Variants in TPO observed in about 807,000 individuals in gnomAD.
TPO encodes thyroid microsomal antigen.
In TPO, 78 loss-of-function variants were observed where a neutral mutation model predicts 96.9. That is an observed-to-expected ratio of 0.81 (90% confidence interval 0.67 to 0.97). The LOEUF (loss-of-function observed/expected upper bound fraction) is 0.97, where lower values mean the gene tolerates loss of function less well. Among genes scored for constraint, TPO ranks in the 50% least tolerant of loss-of-function variants. The pLI, the probability that TPO is intolerant of heterozygous loss-of-function variation, is 0.00. For missense variants in TPO, 1,252 were observed against 1,274.8 expected (o/e 0.98, Z 0.27); for synonymous variants, 547 against 538.0 (o/e 1.02, Z -0.23).
chr2:1,428,020 T>C (rs891515417), intron 3 of TPO, among the ~76,000 whole-genome samples: 3 of 152,148 alleles, frequency 2.0e-5, no homozygotes, highest in African/African-American at 4.8e-5. Flanking sequence ...ATCCAGAGAA[T>C]TCGTGGGAAC....
intron 14 of TPO, 76 bp from the exon 15 acceptor site, chr2:1,516,807 C>T: frequency 7.2e-7 from 1 of 1,396,204 alleles, no homozygotes; most frequent in South Asian, 1.2e-5. Context: ...AGGGTATGGC[C>T]CAGACTCAGG....
chr2:1,404,244 T>C (rs913360401), intron 1 of TPO, among the ~76,000 whole-genome samples: 3 of 152,174 alleles, frequency 2.0e-5, no homozygotes, highest in East Asian at 1.9e-4. Flanking sequence ...TTGCACGCTG[T>C]CTCAAGGGAG....
chr2:1,539,231 A>C (rs1322417467), intron 15 of TPO, among the ~76,000 whole-genome samples: 2 of 152,170 alleles, frequency 1.3e-5, no homozygotes, highest in Non-Finnish European at 2.9e-5. Flanking sequence ...CGAACACCTG[A>C]CCTTCACTGA....
chr2:1,394,200 G>A (rs10190521), intron 1 of TPO, among the ~76,000 whole-genome samples: 8,751 of 152,210 alleles, frequency 0.057, 665 homozygotes, highest in East Asian at 0.3. Context: ...CTGTGAATAC[G>A]GTGGAATATT....
intron 16 of TPO, 118 bp from the exon 17 acceptor site, chr2:1,542,303 C>T: frequency 2.2e-6 from 3 of 1,371,894 alleles, no homozygotes; most frequent in East Asian, 2.5e-5. Context: ...CTCATCTCGC[C>T]AGCGGTCCTT....
chr2:1,527,919 TGAGCAACCTCCTCAAATCCCCCCACTGC>T (rs1676998896), intron 15 of TPO, among the ~76,000 whole-genome samples: 3 of 86,968 alleles, frequency 3.4e-5, no homozygotes, highest in Admixed American at 1.7e-4. Flanking sequence ...CCCCCCAATG[TGAGCAACCTCCTCAAATCCCCCCACTGC>T]GTGCAACCTC....
At chr2:1,469,800 T>G (rs1669222468) in intron 7 of TPO, among the ~76,000 whole-genome samples, 1 of 152,210 alleles carries the variant, frequency 6.6e-6, no homozygotes, top group Non-Finnish European at 1.5e-5. Flanking sequence ...GTTTGGGCAC[T>G]CACAGTATTT....
intron 4 of TPO, 57 bp from the exon 5 acceptor site, chr2:1,436,195 T>C: frequency 6.2e-7 from 1 of 1,613,550 alleles, no homozygotes; most frequent in South Asian, 1.1e-5. Flanking sequence ...AATAGAATAT[T>C]TGTTAGGTGG....
At chr2:1,410,037 C>T (rs781618700), upstream of TPO, among the ~76,000 whole-genome samples, 41 of 151,918 alleles carry the variant, frequency 2.7e-4, no homozygotes, top group Non-Finnish European at 5.7e-4. Flanking sequence ...GTGAGGGTTT[C>T]AGTTGCAGGA....
intron 9 of TPO, among the ~76,000 whole-genome samples, chr2:1,486,112 C>T (rs1350690339): frequency 6.6e-6 from 1 of 152,198 alleles, no homozygotes; most frequent in East Asian, 1.9e-4. Flanking sequence ...TCAGGTCTCA[C>T]TTCTTTCTTA....
chr2:1,493,779 C>G, intron 10 of TPO, 23 bp from the exon 11 acceptor site: 1 of 1,613,276 alleles, frequency 6.2e-7, no homozygotes, highest in Non-Finnish European at 8.5e-7. Context: ...TGAGAGAAAC[C>G]CTGCAGCCTC....
intron 15 of TPO, among the ~76,000 whole-genome samples, chr2:1,540,131 C>A (rs540291370): frequency 8.5e-5 from 13 of 152,296 alleles, no homozygotes; most frequent in African/African-American, 3.1e-4. Context: ...TCTGGGACGG[C>A]GCTTCCTCCC....
At chr2:1,403,753 C>T (rs1042576623) in intron 1 of TPO, among the ~76,000 whole-genome samples, 5 of 152,178 alleles carry the variant, frequency 3.3e-5, no homozygotes, top group African/African-American at 4.8e-5. Flanking sequence ...CCGAGCACAC[C>T]GTGGGTTCAC....
At chr2:1,473,670 G>A (rs978214334) in intron 7 of TPO, among the ~76,000 whole-genome samples, 1 of 151,880 alleles carries the variant, frequency 6.6e-6, no homozygotes, top group Non-Finnish European at 1.5e-5. Flanking sequence ...CAAATTTTTT[G>A]TATATTTAAT....
chr2:1,525,760 G>T (rs1676307196), intron 15 of TPO, among the ~76,000 whole-genome samples: 4 of 137,742 alleles, frequency 2.9e-5, no homozygotes, highest in South Asian at 2.5e-4. Context: ...CCCCACTGTG[G>T]GCAACCACAC....
intron 5 of TPO, among the ~76,000 whole-genome samples, chr2:1,441,890 T>C (rs1373534871): frequency 6.6e-6 from 1 of 152,202 alleles, no homozygotes; most frequent in African/African-American, 2.4e-5. Context: ...GGTGATATAG[T>C]TGGCTGTGTC....
At chr2:1,528,499 T>G (rs1439246530) in intron 15 of TPO, among the ~76,000 whole-genome samples, 1 of 139,384 alleles carries the variant, frequency 7.2e-6, no homozygotes, top group Non-Finnish European at 1.5e-5. Context: ...TCCCCCCTTC[T>G]GTGCAATTTC....
intron 14 of TPO, among the ~76,000 whole-genome samples, chr2:1,514,069 G>A (rs893920301): frequency 6.6e-6 from 1 of 152,170 alleles, no homozygotes; most frequent in African/African-American, 2.4e-5. Flanking sequence ...GAGAGGCTGA[G>A]GAGTCCCAGG....
intron 5 of TPO, chr2:1,438,878 T>C: frequency 1.4e-6 from 1 of 717,658 alleles, no homozygotes; most frequent in East Asian, 2.7e-5. Flanking sequence ...CTAGGAACCT[T>C]CCAGCAGGAC....
Sources: allele counts gnomAD v4.1 joint callset (sites outside exome capture counted in the v4.1 genomes callset), GRCh38; gene constraint gnomAD v4.1.1; transcripts MANE v1.5; gene names NCBI Gene and HGNC (gene_info 2026-07-23, HGNC 2026-07-21).